The following LRMDA variants were observed in gnomAD, a reference collection of about 807,000 sequenced individuals.
The protein encoded by LRMDA is leucine rich melanocyte differentiation associated, also known as leucine-rich melanocyte differentiation-associated protein.
LRMDA carries 18 observed loss-of-function variants against 29.8 expected under a neutral mutation model. The observed-to-expected ratio is 0.60, with a 90% CI of 0.42 to 0.90. LRMDA has a LOEUF of 0.90. LRMDA is among the 40% of genes least tolerant of loss of function. The pLI is 0.00. For synonymous variants in LRMDA, 125 were observed against 109.4 expected (o/e 1.14, Z -0.89); for missense variants, 273 against 273.9 (o/e 1.00, Z 0.02).
At chr10:75,849,564 A>G (rs1249717388) in intron 2 of LRMDA, among the ~76,000 whole-genome samples, 1 of 152,148 alleles carries the variant, frequency 6.6e-6, no homozygotes, top group Non-Finnish European at 1.5e-5. Context: ...GAGATCACAT[A>G]GATACAGGGA....
At chr10:76,459,321 T>C (rs1842489204) in intron 6 of LRMDA, among the ~76,000 whole-genome samples, 2 of 152,184 alleles carry the variant, frequency 1.3e-5, no homozygotes, top group Admixed American at 6.5e-5. Flanking sequence ...GTGTTTATTA[T>C]TTTTGACTGC....
intron 5 of LRMDA, among the ~76,000 whole-genome samples, chr10:76,059,407 C>T (rs1848668890): frequency 6.6e-6 from 1 of 152,274 alleles, no homozygotes; most frequent in South Asian, 2.1e-4. Flanking sequence ...TCTGATGAGG[C>T]AGTGGAGAAT....
intron 2 of LRMDA, among the ~76,000 whole-genome samples, chr10:75,906,679 C>T (rs1418561905): frequency 1.3e-5 from 2 of 152,146 alleles, no homozygotes; most frequent in Non-Finnish European, 2.9e-5. Context: ...ATAATGGTGG[C>T]GTAATTATAA....
intron 2 of LRMDA, among the ~76,000 whole-genome samples, chr10:75,822,242 G>T (rs1210720320): frequency 6.6e-6 from 1 of 152,028 alleles, no homozygotes; most frequent in Non-Finnish European, 1.5e-5. Context: ...AAACACTGAA[G>T]AATGCATCTA....
chr10:76,367,009 A>G (rs1841398869), intron 6 of LRMDA, among the ~76,000 whole-genome samples: 1 of 152,172 alleles, frequency 6.6e-6, no homozygotes, highest in South Asian at 2.1e-4. Flanking sequence ...TGTTAAGATG[A>G]TCATGTGATT....
chr10:75,593,783 C>G lies in LRMDA; in HGVS notation c.131+155289C>G, dbSNP rs553578550. Among the ~76,000 whole-genome samples the G allele has an allele frequency of 1.4e-3, 217 of 151,672 alleles. 1 individual carries two copies. The highest frequency in any genetic ancestry group is 2.2e-3 in the Non-Finnish European group (151 of 68,018). On this transcript the variant is annotated intron_variant, in intron 2 of 6. Coordinates refer to ENST00000611255, the MANE Select transcript of LRMDA (RefSeq NM_001305581.2). The stretch of plus-strand genomic sequence containing the variant: ...GGATCCTGTCGCCCTTATTTCCTGG[C>G]CAGCTCTCCCGCCTTGCCCCTTGGG...
At chr10:75,630,135 G>T (rs940867945) in intron 2 of LRMDA, among the ~76,000 whole-genome samples, 4 of 152,174 alleles carry the variant, frequency 2.6e-5, no homozygotes, top group Non-Finnish European at 4.4e-5. Context: ...GGCCTGGGGT[G>T]ATCCCTTCTC....
At chr10:76,023,732 C>A (rs746976714) in intron 2 of LRMDA, among the ~76,000 whole-genome samples, 3 of 152,220 alleles carry the variant, frequency 2.0e-5, no homozygotes, top group Non-Finnish European at 4.4e-5. Context: ...AAGACAGAGG[C>A]TCTCCCGAGC....
intron 6 of LRMDA, among the ~76,000 whole-genome samples, chr10:76,336,590 G>A (rs1387402590): frequency 2.0e-5 from 3 of 152,130 alleles, no homozygotes; most frequent in Non-Finnish European, 4.4e-5. Context: ...TGGGGAGCCA[G>A]GGAAATAATG....
chr10:75,841,579 C>T (rs1472411564), intron 2 of LRMDA, among the ~76,000 whole-genome samples: 2 of 152,080 alleles, frequency 1.3e-5, no homozygotes, highest in Non-Finnish European at 2.9e-5. Flanking sequence ...CTAGTTATGC[C>T]GTGAAGACTT....
At chr10:75,619,989 A>C (rs1841160240) in intron 2 of LRMDA, among the ~76,000 whole-genome samples, 1 of 152,194 alleles carries the variant, frequency 6.6e-6, no homozygotes, top group South Asian at 2.1e-4. Context: ...GCATTAGCCC[A>C]GCTTTCCTAC....
intron 5 of LRMDA, among the ~76,000 whole-genome samples, chr10:76,230,853 G>A (rs1002610222): frequency 5.3e-5 from 8 of 152,132 alleles, no homozygotes; most frequent in Non-Finnish European, 2.9e-5. Flanking sequence ...TTAATAGGCT[G>A]GAGTATCTAA....
chr10:76,348,326 G>A (rs1424648978), intron 6 of LRMDA, among the ~76,000 whole-genome samples: 1 of 152,168 alleles, frequency 6.6e-6, no homozygotes, highest in African/African-American at 2.4e-5. Flanking sequence ...GAGTGGGGTA[G>A]AGCTAGAAGG....
At chr10:75,681,348 GC>G (rs1842020739) in intron 2 of LRMDA, among the ~76,000 whole-genome samples, 1 of 152,224 alleles carries the variant, frequency 6.6e-6, no homozygotes, top group African/African-American at 2.4e-5. Flanking sequence ...TTGAGATTCT[GC>G]TTAGTCCTTA....
intron 2 of LRMDA, among the ~76,000 whole-genome samples, chr10:75,881,546 A>T (rs1290578489): frequency 6.6e-6 from 1 of 151,946 alleles, no homozygotes; most frequent in Non-Finnish European, 1.5e-5. Flanking sequence ...CCTCTGATTG[A>T]TGGCTTTTTG....
chr10:75,748,791 A>G (rs893933976), intron 2 of LRMDA, among the ~76,000 whole-genome samples: 1 of 152,244 alleles, frequency 6.6e-6, no homozygotes, highest in Non-Finnish European at 1.5e-5. Context: ...ATAATGTTCA[A>G]TATAAGACTC....
chr10:76,477,892 A>G (rs1842693377), intron 6 of LRMDA, among the ~76,000 whole-genome samples: 1 of 152,188 alleles, frequency 6.6e-6, no homozygotes, highest in Non-Finnish European at 1.5e-5. Flanking sequence ...ACCTTATAGA[A>G]AAATTAAATC....
chr10:76,121,569 G>T (rs567761788), intron 5 of LRMDA, among the ~76,000 whole-genome samples: 2 of 152,292 alleles, frequency 1.3e-5, no homozygotes, highest in African/African-American at 2.4e-5. Context: ...ACCTGAGAGG[G>T]TTGTCATGAA....
At position 76,519,913 on chromosome 10, in the gene LRMDA, T is replaced by C. The variant is rs116051455; in HGVS notation, c.602-37296T>C. Among the ~76,000 whole-genome samples the C allele has an allele frequency of 4.4e-3, 665 of 152,292 alleles. 1 individual carries two copies. Among genetic ancestry groups the C allele is most frequent in the African/African-American group, 0.015 (623 of 41,578 alleles). On this transcript the variant is annotated intron_variant, in intron 6 of 6. Transcript: ENST00000611255. Reference sequence around the variant, plus strand: ...TCATAGATGATAAAAAGCATACTTTTTTTAAGTTTGTAATTTGGGTTTTAC... The same window carrying C: ...TCATAGATGATAAAAAGCATACTTTCTTTAAGTTTGTAATTTGGGTTTTAC...
Sources: gnomAD v4.1 joint callset for allele counts (sites outside exome capture counted in the v4.1 genomes callset) on GRCh38, gnomAD v4.1.1 for gene constraint, MANE v1.5 for transcripts, NCBI Gene and HGNC (gene_info 2026-07-23, HGNC 2026-07-21) for gene names.